The following EVA1A variants were observed in gnomAD, a reference collection of about 807,000 sequenced individuals.
The protein encoded by EVA1A is eva-1 homolog A, regulator of programmed cell death.
A neutral mutation model predicts 9.8 loss-of-function variants in EVA1A; 7 were observed. That is an observed-to-expected ratio of 0.71 (90% CI 0.41 to 1.34). EVA1A has a LOEUF of 1.34. Ranked by LOEUF, EVA1A falls within the 40% of genes most tolerant of loss-of-function variation. The pLI, the probability that EVA1A is intolerant of heterozygous loss-of-function variation, is 0.01. For synonymous variants in EVA1A, 90 were observed against 85.6 expected (o/e 1.05, Z -0.28); for missense variants, 206 against 205.9 (o/e 1.00, Z 0.00).
At chr2:75,517,328 A>G (rs531600983) in intron 3 of EVA1A, among the ~76,000 whole-genome samples, 44 of 152,356 alleles carry the variant, frequency 2.9e-4, no homozygotes, top group African/African-American at 9.9e-4. Flanking sequence ...ATCCAGAGAC[A>G]TCAGGCAAAA....
intron 1 of EVA1A, among the ~76,000 whole-genome samples, chr2:75,538,336 C>T (rs1675992192): frequency 6.6e-6 from 1 of 152,128 alleles, no homozygotes; most frequent in Admixed American, 6.6e-5. Flanking sequence ...GTGAGTTCAG[C>T]ACGGTTGCAG....
intron 2 of EVA1A, chr2:75,518,602 C>T: frequency 1.0e-6 from 1 of 990,854 alleles, no homozygotes; most frequent in South Asian, 4.6e-5. Flanking sequence ...TTTCTCTGCC[C>T]TGTATCTTCC....
intron 3 of EVA1A, among the ~76,000 whole-genome samples, chr2:75,502,547 C>T (rs754463024): frequency 3.3e-5 from 5 of 151,964 alleles, no homozygotes; most frequent in African/African-American, 1.2e-4. Context: ...TACATGCATG[C>T]ACAAAGAGAC....
At chr2:75,522,835 C>A (rs2103861085) in intron 1 of EVA1A, among the ~76,000 whole-genome samples, 1 of 152,344 alleles carries the variant, frequency 6.6e-6, no homozygotes, top group Middle Eastern at 3.4e-3. Flanking sequence ...AGTTTGCAGG[C>A]CAGCCTCTCT....
chr2:75,514,718 T>G (rs1352830028), intron 3 of EVA1A, among the ~76,000 whole-genome samples: 1 of 152,164 alleles, frequency 6.6e-6, no homozygotes, highest in African/African-American at 2.4e-5. Context: ...TAATACAAAT[T>G]TTCCCTAATA....
At chr2:75,494,335 G>T (rs1345767849) in intron 3 of EVA1A, among the ~76,000 whole-genome samples, 5 of 152,212 alleles carry the variant, frequency 3.3e-5, no homozygotes, top group Non-Finnish European at 7.3e-5. Flanking sequence ...TAAACACAGG[G>T]ATGCTGGAAC....
intron 1 of EVA1A, among the ~76,000 whole-genome samples, chr2:75,568,389 T>C (rs1289110492): frequency 4.0e-5 from 6 of 150,436 alleles, no homozygotes; most frequent in Non-Finnish European, 8.9e-5. Context: ...AATTATTAGA[T>C]AATAATAAAT....
intron 1 of EVA1A, chr2:75,542,717 A>T (rs571894210): frequency 1.3e-5 from 2 of 152,336 alleles, no homozygotes; most frequent in South Asian, 4.1e-4. Flanking sequence ...ATATGTTTCC[A>T]TTGGGTGATA....
At chr2:75,517,773 CAG>C (rs1206207919) in intron 3 of EVA1A, 1 of 717,678 alleles carries the variant, frequency 1.4e-6, no homozygotes, top group East Asian at 2.7e-5. Context: ...TGCATAGTGA[CAG>C]AAGCCAACAG....
chr2:75,539,524 T>A (rs947067150), intron 1 of EVA1A, among the ~76,000 whole-genome samples: 2 of 152,224 alleles, frequency 1.3e-5, no homozygotes, highest in South Asian at 2.1e-4. Context: ...AGTAAAGAAA[T>A]AGACACTGCT....
intron 2 of EVA1A, among the ~76,000 whole-genome samples, chr2:75,519,162 A>AT (rs1367885986): frequency 2.0e-5 from 3 of 152,332 alleles, no homozygotes; most frequent in African/African-American, 7.2e-5. Context: ...CTTTACAGAG[A>AT]GCTCCTGGGC....
At chr2:75,534,777 C>A (rs1478120798) in intron 1 of EVA1A, among the ~76,000 whole-genome samples, 2 of 152,084 alleles carry the variant, frequency 1.3e-5, no homozygotes, top group East Asian at 1.9e-4. Context: ...CCATTTATTT[C>A]TTTTGTTTCT....
rs550977787 is a variant in EVA1A at position 75,517,111 on chromosome 2, CT to C, written c.85+944del. On this transcript the variant is annotated intron_variant, in intron 3 of 3. Transcript: ENST00000393913. ...ATCAGGTTGCGCGTCATCCAAGATC[CT>C]CTTACAAAGAGAAGCCATGAACTTC... Among the ~76,000 whole-genome samples, 13 of 152,114 alleles carry C rather than the reference CT, an allele frequency of 8.5e-5. No individual in the cohort carries two copies. The South Asian group carries it at 2.5e-3, about 29-fold the overall frequency.
chr2:75,535,580 T>C (rs544548892), intron 1 of EVA1A, among the ~76,000 whole-genome samples: 1 of 152,364 alleles, frequency 6.6e-6, no homozygotes, highest in East Asian at 1.9e-4. Flanking sequence ...GATGTGTATG[T>C]AATTCATTCA....
chr2:75,500,095 C>CTATG (rs1262424381), intron 3 of EVA1A, among the ~76,000 whole-genome samples: 1 of 152,186 alleles, frequency 6.6e-6, no homozygotes, highest in Non-Finnish European at 1.5e-5. Flanking sequence ...TCCCATCTTA[C>CTATG]TATGGTGCAC....
At chr2:75,561,484 T>C (rs1676920722), upstream of EVA1A, among the ~76,000 whole-genome samples, 1 of 152,072 alleles carries the variant, frequency 6.6e-6, no homozygotes, top group Non-Finnish European at 1.5e-5. Context: ...TTGGCCTTTC[T>C]CTTTCAGGGT....
chr2:75,517,825 A>T, intron 3 of EVA1A: 1 of 725,498 alleles, frequency 1.4e-6, no homozygotes, highest in African/African-American at 1.7e-5. Context: ...GAGCAGCTAA[A>T]CATTTTCTGC....
chr2:75,561,998 G>T (rs1276984040), upstream of EVA1A, among the ~76,000 whole-genome samples: 3 of 152,158 alleles, frequency 2.0e-5, no homozygotes, highest in Non-Finnish European at 4.4e-5. Context: ...GCCTTCTGGA[G>T]CTGCTACTCC....
At chr2:75,567,160 A>T (rs1021320377) in intron 1 of EVA1A, among the ~76,000 whole-genome samples, 2 of 152,244 alleles carry the variant, frequency 1.3e-5, no homozygotes, top group East Asian at 3.8e-4. Flanking sequence ...AAATATTTTT[A>T]AAATAAGATA....
Sources: gnomAD v4.1 joint callset for allele counts (sites outside exome capture counted in the v4.1 genomes callset) on GRCh38, gnomAD v4.1.1 for gene constraint, MANE v1.5 for transcripts, NCBI Gene and HGNC (gene_info 2026-07-23, HGNC 2026-07-21) for gene names.